SPON1: variants seen among roughly 807,000 people sequenced by gnomAD.
The protein encoded by SPON1 is spondin-1.
Under a neutral mutation model 111.7 loss-of-function variants are expected in SPON1, and 52 were observed. That is an observed-to-expected ratio of 0.47 (90% confidence interval 0.37 to 0.59). The LOEUF is 0.59. SPON1 is among the 20% of genes least tolerant of loss of function. SPON1 has a pLI of 0.00. For synonymous variants in SPON1, 410 were observed against 395.8 expected, an observed-to-expected ratio of 1.04 and a Z score of -0.43; for missense variants, 957 against 1,068.5, an observed-to-expected ratio of 0.90 and a Z score of 1.46.
chr11:14,227,736 A>G (rs909573260), intron 6 of SPON1, among the ~76,000 whole-genome samples: 1 of 152,192 alleles, frequency 6.6e-6, no homozygotes, highest in Non-Finnish European at 1.5e-5. Context: ...CCATTTTACC[A>G]ATGAGAAAAT....
intron 6 of SPON1, among the ~76,000 whole-genome samples, chr11:14,137,210 A>T (rs567354734): frequency 5.2e-4 from 79 of 152,312 alleles, no homozygotes; most frequent in Admixed American, 1.7e-3. Context: ...ATTATCTGAC[A>T]TGTCATAGCA....
At chr11:14,197,890 C>A (rs1848420683) in intron 6 of SPON1, among the ~76,000 whole-genome samples, 2 of 152,078 alleles carry the variant, frequency 1.3e-5, no homozygotes, top group Admixed American at 1.3e-4. Context: ...AGGGGCCTGA[C>A]CAAAGAAGCT....
intron 6 of SPON1, among the ~76,000 whole-genome samples, chr11:14,152,438 A>T (rs535610446): frequency 2.0e-5 from 3 of 152,240 alleles, no homozygotes; most frequent in African/African-American, 7.2e-5. Context: ...TCTAAAGGGC[A>T]TTGATCCATG....
chr11:14,257,159 G>A lies in SPON1; in HGVS notation c.1309+467G>A, dbSNP rs556426825. On this transcript the variant is annotated intron_variant, in intron 10 of 15. Coordinates refer to ENST00000576479, the MANE Select transcript of SPON1 (RefSeq NM_006108.4). ...GACTCTCAGTAGACATGTGATCTTGGGCAAGAAGCTAACCTTTCTGTCTCA... is the reference window on the plus strand; with the variant it reads ...GACTCTCAGTAGACATGTGATCTTGAGCAAGAAGCTAACCTTTCTGTCTCA... Among the ~76,000 whole-genome samples, 22 of 152,234 alleles carry A rather than the reference G, an allele frequency of 1.4e-4. 1 individual carries two copies. The South Asian group carries it at 4.6e-3, about 32-fold the overall frequency.
At chr11:14,203,459 AAG>A (rs1167401546) in intron 6 of SPON1, among the ~76,000 whole-genome samples, 1 of 152,212 alleles carries the variant, frequency 6.6e-6, no homozygotes, top group African/African-American at 2.4e-5. Context: ...TAGCCTCTGA[AAG>A]AGAAATGTGC....
intron 1 of SPON1, among the ~76,000 whole-genome samples, chr11:13,977,758 G>T (rs1474269474): frequency 6.6e-6 from 1 of 151,952 alleles, no homozygotes; most frequent in Admixed American, 6.6e-5. Flanking sequence ...TTACTCCAAG[G>T]TCATTCGCAT....
At chr11:14,260,374 T>C (rs1554941779) in intron 13 of SPON1, among the ~76,000 whole-genome samples, 1 of 150,124 alleles carries the variant, frequency 6.7e-6, no homozygotes, top group African/African-American at 2.5e-5. Flanking sequence ...TCGGGGGGGG[T>C]CAGCAGGGAG....
chr11:14,234,859 A>G (rs1471396904), intron 6 of SPON1, among the ~76,000 whole-genome samples: 4 of 152,274 alleles, frequency 2.6e-5, no homozygotes, highest in Admixed American at 2.0e-4. Context: ...CAAACGCATC[A>G]TCTTCTAGTG....
chr11:14,080,005 C>T lies in SPON1; in HGVS notation c.660C>T (p.His220=). The change falls in exon 5 of 16, where the codon CAC becomes CAT. Residue 220 remains histidine, a synonymous_variant. Coordinates refer to ENST00000576479, the MANE Select transcript of SPON1 (RefSeq NM_006108.4). ...ATGGGAATTGGTCCGAGAAGACACA[C>T]CCAAAGGATTACCCTCGTGAGTAGA... ...TFYGNWSEKT[H]PKDYPRRANH... is the part of the protein sequence containing the mutation. 6.2e-7 allele frequency: 1 copy of T among 1,613,890 alleles called. No individual in the cohort carries two copies. The highest frequency in any genetic ancestry group is 1.1e-5 in the South Asian group (1 of 91,068).
chr11:14,116,633 C>T (rs1849268972), intron 5 of SPON1, among the ~76,000 whole-genome samples: 1 of 152,126 alleles, frequency 6.6e-6, no homozygotes, highest in Admixed American at 6.5e-5. Context: ...GGTTCCTTTA[C>T]AAAAAGCTTT....
chr11:13,989,363 T>G (rs1396419665), intron 2 of SPON1, among the ~76,000 whole-genome samples: 1 of 152,232 alleles, frequency 6.6e-6, no homozygotes, highest in Non-Finnish European at 1.5e-5. Flanking sequence ...TCTCTGATGG[T>G]AGTTTGTATT....
chr11:14,111,769 A>G (rs1849228438), intron 5 of SPON1, among the ~76,000 whole-genome samples: 1 of 152,200 alleles, frequency 6.6e-6, no homozygotes, highest in Non-Finnish European at 1.5e-5. Flanking sequence ...AAGCAGTAAA[A>G]TGCTTCTTAA....
intron 2 of SPON1, among the ~76,000 whole-genome samples, chr11:13,994,503 T>G (rs1168759948): frequency 6.6e-6 from 1 of 151,964 alleles, no homozygotes; most frequent in Non-Finnish European, 1.5e-5. Flanking sequence ...ATCATGGAAG[T>G]CATGGCCACT....
intron 6 of SPON1, among the ~76,000 whole-genome samples, chr11:14,176,249 GAGAC>G (rs1848173809): frequency 6.6e-6 from 1 of 152,122 alleles, no homozygotes; most frequent in African/African-American, 2.4e-5. Flanking sequence ...ACACAAAGAT[GAGAC>G]AGACAGAAGG....
chr11:13,969,749 C>T (rs1362244519), intron 1 of SPON1, among the ~76,000 whole-genome samples: 1 of 152,208 alleles, frequency 6.6e-6, no homozygotes, highest in Non-Finnish European at 1.5e-5. Context: ...CAGCTTCAAC[C>T]TAGCCTTATC....
intron 2 of SPON1, among the ~76,000 whole-genome samples, chr11:13,996,243 G>A (rs1554911790): frequency 1.3e-5 from 2 of 152,008 alleles, no homozygotes; most frequent in East Asian, 1.9e-4. Flanking sequence ...GAGCTCACTT[G>A]GTGTAAAATG....
intron 6 of SPON1, among the ~76,000 whole-genome samples, chr11:14,198,805 AACTT>A (rs1229996825): frequency 3.9e-5 from 6 of 152,270 alleles, no homozygotes; most frequent in African/African-American, 9.6e-5. Context: ...ATTTGAAATG[AACTT>A]ACTTAATAAT....
chr11:14,124,871 CA>C (rs1847436822), intron 5 of SPON1, among the ~76,000 whole-genome samples: 1 of 152,126 alleles, frequency 6.6e-6, no homozygotes, highest in South Asian at 2.1e-4. Context: ...ATAATGTAAT[CA>C]ATTTTATAAG....
intron 3 of SPON1, among the ~76,000 whole-genome samples, chr11:14,066,666 G>A (rs1848834791): frequency 1.3e-5 from 2 of 152,116 alleles, no homozygotes; most frequent in African/African-American, 4.8e-5. Context: ...TATTTCCCTT[G>A]CTTGTGTTTT....
Sources: gnomAD v4.1 joint callset for allele counts (sites outside exome capture counted in the v4.1 genomes callset) on GRCh38, gnomAD v4.1.1 for gene constraint, MANE v1.5 for transcripts, NCBI Gene and HGNC (gene_info 2026-07-23, HGNC 2026-07-21) for gene names.